SLC17A8: variants seen among roughly 807,000 people sequenced by gnomAD.
The protein encoded by SLC17A8 is solute carrier family 17 member 8.
SLC17A8 carries 31 observed loss-of-function variants against 58.0 expected under a neutral mutation model. The ratio of observed to expected loss-of-function variants is 0.53; its 90% CI spans 0.40 to 0.72. SLC17A8 has a LOEUF of 0.72. Among genes scored for constraint, SLC17A8 ranks in the 30% least tolerant of loss-of-function variants. The probability of loss-of-function intolerance (pLI) is 0.00; values close to 1 mark genes in which losing one functional copy is unlikely to be tolerated. For missense variants in SLC17A8, 655 were observed against 727.8 expected, an observed-to-expected ratio of 0.90 and a Z score of 1.15; for synonymous variants, 228 against 249.0, an observed-to-expected ratio of 0.92 and a Z score of 0.79.
chr12:100,401,404 A>G (rs1952790286), intron 5 of SLC17A8, among the ~76,000 whole-genome samples: 2 of 151,912 alleles, frequency 1.3e-5, no homozygotes, highest in South Asian at 4.2e-4. Flanking sequence ...CAGTCCTCCT[A>G]AGCAAATTTT....
chr12:100,402,949 C>T (rs1040298098), intron 8 of SLC17A8, among the ~76,000 whole-genome samples: 5 of 152,086 alleles, frequency 3.3e-5, no homozygotes, highest in South Asian at 2.1e-4. Flanking sequence ...GGATCAGAGC[C>T]GTATTAAGCT....
At chr12:100,381,050 C>A (rs2135985837) in intron 2 of SLC17A8, 97 bp downstream of exon 2, 1 of 1,408,586 alleles carries the variant, frequency 7.1e-7, no homozygotes, top group Non-Finnish European at 1.0e-6. Context: ...TGGCTTACTG[C>A]AGCCCCAACC....
At chr12:100,417,601 T>G (rs1673728645) in intron 10 of SLC17A8, among the ~76,000 whole-genome samples, 1 of 152,254 alleles carries the variant, frequency 6.6e-6, no homozygotes, top group African/African-American at 2.4e-5. Context: ...AAAGTAGGCT[T>G]ACCCTTGGCT....
chr12:100,358,752 A>C (rs1445888467), intron 1 of SLC17A8, among the ~76,000 whole-genome samples: 2 of 152,170 alleles, frequency 1.3e-5, no homozygotes, highest in East Asian at 1.9e-4. Context: ...GTTGGCGTTC[A>C]TTTGATTAGA....
chr12:100,413,357 C>T (rs1952884026), intron 10 of SLC17A8, among the ~76,000 whole-genome samples: 1 of 152,082 alleles, frequency 6.6e-6, no homozygotes. Flanking sequence ...ATTTTCCAAA[C>T]AAGAAAATGC....
At chr12:100,413,295 T>G (rs1270304496) in intron 10 of SLC17A8, among the ~76,000 whole-genome samples, 2 of 152,148 alleles carry the variant, frequency 1.3e-5, no homozygotes, top group East Asian at 3.8e-4. Context: ...GGATCAGAAG[T>G]TTTTTTAAGA....
chr12:100,401,647 G>A (rs1014886959), intron 5 of SLC17A8, 130 bp from the exon 6 acceptor site: 1 of 798,590 alleles, frequency 1.3e-6, no homozygotes, highest in Admixed American at 1.9e-5. Flanking sequence ...GAGTTTGCCT[G>A]TCTCTGCACG....
chr12:100,360,052 T>G (rs1952474713), intron 1 of SLC17A8, among the ~76,000 whole-genome samples: 1 of 152,170 alleles, frequency 6.6e-6, no homozygotes, highest in African/African-American at 2.4e-5. Context: ...GGAGTGGCAA[T>G]TGCACAGGGA....
chr12:100,383,405 T>C lies in SLC17A8; in HGVS notation c.354+2452T>C, dbSNP rs577161001. Among the ~76,000 whole-genome samples the C allele has an allele frequency of 9.2e-5, 14 of 152,328 alleles. No homozygotes were observed. The South Asian group carries it at 2.7e-3, about 29-fold the overall frequency. ...AGGAATTTAGTATCAGTAACTCTAG[T>C]ACAGCTCTAATTTATAGCAGATTAT... On this transcript the variant is annotated intron_variant, in intron 2 of 11. Transcript: ENST00000323346.
chr12:100,419,167 T>G (rs981085036), intron 11 of SLC17A8, among the ~76,000 whole-genome samples: 1 of 152,232 alleles, frequency 6.6e-6, no homozygotes, highest in African/African-American at 2.4e-5. Context: ...ACAATTTTAA[T>G]TTAGCTGACT....
chr12:100,376,996 G>A (rs1489959383), intron 1 of SLC17A8, among the ~76,000 whole-genome samples: 1 of 152,102 alleles, frequency 6.6e-6, no homozygotes, highest in African/African-American at 2.4e-5. Context: ...TTTTAGTAGA[G>A]ACGGGGTTTT....
At chr12:100,373,118 T>C (rs1439209155) in intron 1 of SLC17A8, among the ~76,000 whole-genome samples, 1 of 152,128 alleles carries the variant, frequency 6.6e-6, no homozygotes, top group South Asian at 2.1e-4. Flanking sequence ...ACCTCCCTAG[T>C]GTGCAGAGGG....
intron 9 of SLC17A8, among the ~76,000 whole-genome samples, chr12:100,406,980 G>C (rs1303382149): frequency 6.6e-6 from 1 of 151,988 alleles, no homozygotes; most frequent in Non-Finnish European, 1.5e-5. Flanking sequence ...GAGAGAGGGG[G>C]GTCAATTTCT....
intron 5 of SLC17A8, among the ~76,000 whole-genome samples, chr12:100,400,819 A>G (rs553785835): frequency 6.6e-6 from 1 of 152,082 alleles, no homozygotes; most frequent in South Asian, 2.1e-4. Context: ...AGCAGAGGTC[A>G]GCTCACTGCC....
chr12:100,364,911 GCAGTC>G (rs1234580122), intron 1 of SLC17A8, among the ~76,000 whole-genome samples: 1 of 152,248 alleles, frequency 6.6e-6, no homozygotes, highest in Non-Finnish European at 1.5e-5. Flanking sequence ...AAGTATAGCA[GCAGTC>G]CATTTGCAAC....
chr12:100,357,429 T>C lies in SLC17A8; in HGVS notation c.38T>C (p.Ile13Thr), dbSNP rs769891450. The C allele has an allele frequency of 1.2e-5, 19 of 1,613,828 alleles. No individual in the cohort carries two copies. Among genetic ancestry groups the C allele is most frequent in the Non-Finnish European group, 1.6e-5 (19 of 1,179,782 alleles). Residue 13 changes from isoleucine (I) to threonine (T), a missense_variant, in exon 1 of 12, where the codon ATT becomes ACT. Ile to Thr is a moderately conservative substitution (Grantham distance 89). Transcript: ENST00000323346. ...GCATTTGATACCTTCAAAGAAAAAA[T>C]TCTGAAACCTGGGAAGGAAGGAGTG... ...FKAFDTFKEK[I>T]LKPGKEGVKN...
intron 5 of SLC17A8, among the ~76,000 whole-genome samples, chr12:100,397,452 A>G (rs1279316339): frequency 6.6e-6 from 1 of 152,222 alleles, no homozygotes; most frequent in Admixed American, 6.5e-5. Context: ...GCCCCCAAGT[A>G]GTATGTGACT....
intron 3 of SLC17A8, among the ~76,000 whole-genome samples, chr12:100,392,164 G>T (rs1416780598): frequency 6.6e-6 from 1 of 151,896 alleles, no homozygotes; most frequent in Admixed American, 6.6e-5. Context: ...TCCATAAATG[G>T]ATTTCATGAA....
chr12:100,401,938 A>C, intron 6 of SLC17A8, 75 bp downstream of exon 6: 2 of 1,106,908 alleles, frequency 1.8e-6, no homozygotes, highest in Non-Finnish European at 2.8e-6. Flanking sequence ...TTTGGCTCAG[A>C]GTTCATTACA....
Sources: gnomAD v4.1 joint callset for allele counts (sites outside exome capture counted in the v4.1 genomes callset) on GRCh38, gnomAD v4.1.1 for gene constraint, MANE v1.5 for transcripts, NCBI Gene and HGNC (gene_info 2026-07-23, HGNC 2026-07-21) for gene names.